NECTIN4: variants seen among roughly 807,000 people sequenced by gnomAD.
NECTIN4 encodes nectin cell adhesion molecule 4, also known as nectin-4.
NECTIN4 carries 19 observed loss-of-function variants against 51.7 expected under a neutral mutation model. That is an observed-to-expected ratio of 0.37 (90% CI 0.26 to 0.54). The LOEUF (loss-of-function observed/expected upper bound fraction) is 0.54. Ranked by LOEUF, NECTIN4 falls within the 20% of genes least tolerant of loss-of-function variation. The probability of loss-of-function intolerance (pLI) is 0.86; values close to 1 mark genes in which losing one functional copy is unlikely to be tolerated. For synonymous variants in NECTIN4, 283 were observed against 286.9 expected, an observed-to-expected ratio of 0.99 and a Z score of 0.14; for missense variants, 619 against 662.4, an observed-to-expected ratio of 0.93 and a Z score of 0.72.
At chr1:161,074,849 C>T (rs773749834) in intron 4 of NECTIN4, 90 bp from the exon 5 acceptor site, 5 of 1,399,768 alleles carry the variant, frequency 3.6e-6, no homozygotes, top group Non-Finnish European at 4.9e-6. Flanking sequence ...ACCCTCCACC[C>T]CCATGACGTC....
At position 161,089,091 on chromosome 1, in the gene NECTIN4, C is replaced by G. The variant is rs1468331339; in HGVS notation, c.79+127G>C. 4 of 902,056 alleles carry G rather than the reference C, an allele frequency of 4.4e-6. No homozygotes were observed. The highest frequency in any genetic ancestry group is 7.3e-6 in the Non-Finnish European group (4 of 545,528). 55.9% of individuals were successfully genotyped at this position (902,056 alleles called of 1,614,324 possible). ...AAGCTGGGGGCAGGAGAGACTGGATCCTCAGTTCAGAGTCAAAGAAAGGAG... is the reference window on the plus strand; with the variant it reads ...AAGCTGGGGGCAGGAGAGACTGGATGCTCAGTTCAGAGTCAAAGAAAGGAG... On this transcript the variant is annotated intron_variant, in intron 1 of 8. Coordinates refer to ENST00000368012, the MANE Select transcript of NECTIN4 (RefSeq NM_030916.3). This position sits in a 1 kb window ranked among gnomAD's most constrained non-coding sequence, Gnocchi z 4.1.
chr1:161,074,855 A>T, intron 4 of NECTIN4, 96 bp from the exon 5 acceptor site: 5 of 1,367,446 alleles, frequency 3.7e-6, no homozygotes, highest in Non-Finnish European at 5.0e-6. Context: ...CACCCCCATG[A>T]CGTCACCCAG....
rs1038415871 is a variant in NECTIN4 at position 161,074,226 on chromosome 1, G to T, written c.1148C>A (p.Thr383Asn). 1 of 1,613,952 alleles carries T rather than the reference G, an allele frequency of 6.2e-7. No individual in the cohort carries two copies. Among genetic ancestry groups the T allele is most frequent in the African/African-American group, 1.3e-5 (1 of 74,844 alleles). Residue 383 changes from threonine (T) to asparagine (N), a missense_variant, in exon 6 of 9, where the codon ACC becomes AAC. Physicochemically the swap from Thr to Asn is moderately conservative, Grantham distance 65. Coordinates refer to ENST00000368012, the MANE Select transcript of NECTIN4 (RefSeq NM_030916.3). Reference protein sequence around the residue: ...RYHRRKAQQMTQKYEEELTLT... With the variant: ...RYHRRKAQQMNQKYEEELTLT... Reference sequence around the variant, plus strand: ...AGTGCCCAGTACTCACTATTTCTGGGTCATCTGCTGGGCCTTGCGCCGATG... The same window carrying T: ...AGTGCCCAGTACTCACTATTTCTGGTTCATCTGCTGGGCCTTGCGCCGATG...
Position 161,072,904 on chromosome 1 carries a change from G to A in NECTIN4, c.1309-19C>T. Reference sequence around the variant, plus strand: ...CTTCACTCTGGAGACCAAGGGCAAAGGGCAAGTCAGGAACAAAGGCAGGGC... The same window carrying A: ...CTTCACTCTGGAGACCAAGGGCAAAAGGCAAGTCAGGAACAAAGGCAGGGC... On this transcript the variant is annotated intron_variant, in intron 8 of 8. Transcript: ENST00000368012. 1.9e-6 allele frequency: 3 copies of A among 1,598,964 alleles called. No homozygotes were observed. The highest frequency in any genetic ancestry group is 2.6e-6 in the Non-Finnish European group (3 of 1,172,552).
intron 1 of NECTIN4, among the ~76,000 whole-genome samples, chr1:161,085,210 C>T (rs577055222): frequency 2.0e-5 from 3 of 152,156 alleles, no homozygotes; most frequent in Admixed American, 1.3e-4. Context: ...CTGGGCAAAA[C>T]GCCCACCCAC....
intron 2 of NECTIN4, among the ~76,000 whole-genome samples, chr1:161,079,136 C>A (rs1653552123): frequency 6.6e-6 from 1 of 152,176 alleles, no homozygotes; most frequent in Non-Finnish European, 1.5e-5. Context: ...CATTCAGGAC[C>A]CACATTGTAA....
At chr1:161,082,971 A>G (rs1325400661) in intron 1 of NECTIN4, among the ~76,000 whole-genome samples, 1 of 152,134 alleles carries the variant, frequency 6.6e-6, no homozygotes, top group African/African-American at 2.4e-5. Flanking sequence ...TTCCTATACT[A>G]GCCAACCACC....
At chr1:161,073,946 G>A (rs1209965118) in intron 6 of NECTIN4, 151 bp from the exon 7 acceptor site, 37 of 784,572 alleles carry the variant, frequency 4.7e-5, no homozygotes, top group Non-Finnish European at 5.7e-5. Flanking sequence ...GTGGCAGTGA[G>A]GCTGAAGAGC....
Position 161,089,097 on chromosome 1 carries a change from T to C in NECTIN4, c.79+121A>G. 1.1e-6 allele frequency: 1 copy of C among 944,550 alleles called. No homozygotes were observed. The highest frequency in any genetic ancestry group is 1.7e-6 in the Non-Finnish European group (1 of 582,472). The allele number at this position is 944,550 out of a possible 1,614,324, so 58.5% of individuals were successfully genotyped here. ...GGGGCAGGAGAGACTGGATCCTCAG[T>C]TCAGAGTCAAAGAAAGGAGGATATG... On this transcript the variant is annotated intron_variant, in intron 1 of 8. Coordinates refer to ENST00000368012, the MANE Select transcript of NECTIN4 (RefSeq NM_030916.3). The surrounding 1 kb of genome is among the most constrained non-coding windows in gnomAD (Gnocchi z 4.1).
At chr1:161,073,153 C>T (rs1052061616) in intron 8 of NECTIN4, 72 bp downstream of exon 8, 41 of 1,351,164 alleles carry the variant, frequency 3.0e-5, no homozygotes, top group South Asian at 1.4e-4. Flanking sequence ...GGGCTGCTGA[C>T]GCACCATATC....
At position 161,074,323 on chromosome 1, in the gene NECTIN4, C is replaced by A; in HGVS notation, c.1051G>T (p.Val351Leu). The A allele has an allele frequency of 6.2e-7, 1 of 1,614,156 alleles. No individual in the cohort carries two copies. Among genetic ancestry groups the A allele is most frequent in the South Asian group, 1.1e-5 (1 of 91,084 alleles). Residue 351 changes from valine to leucine, a missense_variant, in exon 6 of 9, where the codon GTG (valine) becomes TTG (leucine). By Grantham distance (32) the Val-to-Leu change is conservative. Transcript: ENST00000368012. ...AGTGCGGCGATCACACCCACCACCA[C>A]CACCGAGGCTGACACTAGGTCCACC... ...KQVDLVSASV[V>L]VVGVIAALLF...
chr1:161,086,590 G>A (rs533845790), intron 1 of NECTIN4, among the ~76,000 whole-genome samples: 146 of 152,306 alleles, frequency 9.6e-4, no homozygotes, highest in African/African-American at 3.4e-3. Flanking sequence ...GGATCCTAAT[G>A]GGGGGAGGGG....
At chr1:161,085,159 C>T (rs1010463173) in intron 1 of NECTIN4, 3 of 152,134 alleles carry the variant, frequency 2.0e-5, no homozygotes, top group Non-Finnish European at 2.9e-5. Context: ...CACTTACCCC[C>T]CATTGTACTA....
Position 161,072,359 on chromosome 1 carries a change from T to A in NECTIN4, c.*302A>T. On this transcript the variant is annotated 3_prime_UTR_variant, in exon 9 of 9. Coordinates refer to ENST00000368012, the MANE Select transcript of NECTIN4 (RefSeq NM_030916.3). Reference sequence around the variant, plus strand: ...TTCACTTGACTCTGATATGACAGCATAATACACACCACGGACACAGTCACC... The same window carrying A: ...TTCACTTGACTCTGATATGACAGCAAAATACACACCACGGACACAGTCACC... 2.0e-6 allele frequency: 1 copy of A among 492,974 alleles called. No homozygotes were observed. The highest frequency in any genetic ancestry group is 3.3e-5 in the Admixed American group (1 of 30,504). 30.5% of individuals were successfully genotyped at this position (492,974 alleles called of 1,614,324 possible).
Position 161,077,736 on chromosome 1 carries a change from G to T in NECTIN4, c.447C>A (p.Pro149=). The stretch of plus-strand genomic sequence containing the variant: ...CTGGACCAGGATTCAGTGAGGGCAG[G>T]GGAGGCACTGCAAATGGGGAAAGGC... The part of the protein sequence containing the change: ...ARLRLRVLVP[P]LPSLNPGPAL... The change falls in exon 3 of 9, where the codon CCC becomes CCA. Residue 149 remains proline (P), a synonymous_variant. Transcript: ENST00000368012. 6.2e-7 allele frequency: 1 copy of T among 1,607,502 alleles called. No individual in the cohort carries two copies.
chr1:161,089,350 G>T lies in NECTIN4; in HGVS notation c.-54C>A. ...TGAAGTTCCACCGAGATCTCCCTGG[G>T]AGCCGGCTGCAGACTTGAATAAGGA... On this transcript the variant is annotated 5_prime_UTR_variant, in exon 1 of 9. Transcript: ENST00000368012. This position sits in a 1 kb window ranked among gnomAD's most constrained non-coding sequence, Gnocchi z 4.1. The T allele has an allele frequency of 6.5e-7, 1 of 1,534,314 alleles. No individual in the cohort carries two copies. Among genetic ancestry groups the T allele is most frequent in the South Asian group, 1.1e-5 (1 of 89,598 alleles).
intron 1 of NECTIN4, among the ~76,000 whole-genome samples, chr1:161,083,405 C>T (rs915231699): frequency 3.9e-5 from 6 of 152,296 alleles, no homozygotes; most frequent in African/African-American, 1.2e-4. Context: ...CTCTCCTCCA[C>T]CCAGTGTCAG....
intron 8 of NECTIN4, 74 bp downstream of exon 8, chr1:161,073,151 G>T: frequency 1.5e-6 from 2 of 1,337,818 alleles, no homozygotes; most frequent in Non-Finnish European, 2.1e-6. Flanking sequence ...GGGGGCTGCT[G>T]ACGCACCATA....
At chr1:161,077,346 C>T in intron 3 of NECTIN4, 107 bp downstream of exon 3, 2 of 1,218,558 alleles carry the variant, frequency 1.6e-6, no homozygotes, top group Non-Finnish European at 2.4e-6. Flanking sequence ...TATATATAGC[C>T]TCCAGGACCC....
Sources: gnomAD v4.1 joint callset for allele counts (sites outside exome capture counted in the v4.1 genomes callset) on GRCh38, gnomAD v4.1.1 for gene constraint, Gnocchi (gnomAD v3.1) non-coding constraint, MANE v1.5 for transcripts, NCBI Gene and HGNC (gene_info 2026-07-23, HGNC 2026-07-21) for gene names.